The following DSCAML1 variants were observed in gnomAD, a reference collection of about 807,000 sequenced individuals.
DSCAML1 encodes the protein DS cell adhesion molecule like 1, also known as cell adhesion molecule DSCAML1.
Under a neutral mutation model 200.5 loss-of-function variants are expected in DSCAML1, and 38 were observed. The observed-to-expected ratio is 0.19, with a 90% CI of 0.15 to 0.25. The LOEUF is 0.25. Ranked by LOEUF, DSCAML1 falls within the 10% of genes least tolerant of loss-of-function variation. The pLI, the probability that DSCAML1 is intolerant of heterozygous loss-of-function variation, is 1.00. For synonymous variants in DSCAML1, 1,215 were observed against 1,165.0 expected, an observed-to-expected ratio of 1.04 and a Z score of -0.87; for missense variants, 2,223 against 2,858.8, an observed-to-expected ratio of 0.78 and a Z score of 5.07.
chr11:117,438,946 G>A lies in DSCAML1; in HGVS notation c.4182C>T (p.Thr1394=). The change falls in exon 24 of 33, where the codon ACC becomes ACT. Residue 1394 remains threonine, a synonymous_variant. Transcript: ENST00000651296. ...AGGTCAGGGTGATGGACGAAGCTGA[G>A]GTTTTGGAGACAGTGAGGCGGGGCT... ...PDQPRLTVSK[T]SASSITLTWI... The A allele has an allele frequency of 1.2e-6, 2 of 1,609,628 alleles. No homozygotes were observed. The highest frequency in any genetic ancestry group is 1.7e-6 in the Non-Finnish European group (2 of 1,178,420).
chr11:117,709,431 G>A (rs139145199), intron 3 of DSCAML1, among the ~76,000 whole-genome samples: 33 of 152,168 alleles, frequency 2.2e-4, no homozygotes, highest in African/African-American at 7.5e-4. Flanking sequence ...TAATCCTATC[G>A]GATTAGGGCC....
At chr11:117,476,434 A>C (rs1488362888) in intron 14 of DSCAML1, among the ~76,000 whole-genome samples, 1 of 152,192 alleles carries the variant, frequency 6.6e-6, no homozygotes, top group African/African-American at 2.4e-5. Flanking sequence ...CTCCTGCGTC[A>C]CAACGACAGC....
chr11:117,620,483 C>T (rs947944231), intron 3 of DSCAML1, among the ~76,000 whole-genome samples: 9 of 152,156 alleles, frequency 5.9e-5, no homozygotes, highest in East Asian at 1.9e-4. Flanking sequence ...TTAATAGGAA[C>T]GACACTGTGA....
chr11:117,443,754 G>T (rs1209470218), intron 21 of DSCAML1, 132 bp downstream of exon 21: 5 of 1,269,298 alleles, frequency 3.9e-6, no homozygotes, highest in Non-Finnish European at 5.4e-6. Flanking sequence ...GGAGGCAGGC[G>T]GGTGGCCAGT....
At chr11:117,649,803 T>C (rs1041009018) in intron 3 of DSCAML1, among the ~76,000 whole-genome samples, 21 of 152,366 alleles carry the variant, frequency 1.4e-4, no homozygotes, top group Middle Eastern at 6.8e-3. Flanking sequence ...TCCCTCTCCC[T>C]GAACAGGTCC....
intron 1 of DSCAML1, 34 bp downstream of exon 1, chr11:117,797,000 G>A (rs1329467727): frequency 5.9e-6 from 8 of 1,367,242 alleles, no homozygotes; most frequent in Admixed American, 2.7e-5. Flanking sequence ...TGGCCCCGCC[G>A]CCTCCGCCGC....
At chr11:117,583,256 T>C (rs1307014415) in intron 3 of DSCAML1, among the ~76,000 whole-genome samples, 3 of 152,000 alleles carry the variant, frequency 2.0e-5, no homozygotes, top group Non-Finnish European at 4.4e-5. Context: ...TGAAGACCCC[T>C]TGCCTCTGGT....
intron 3 of DSCAML1, among the ~76,000 whole-genome samples, chr11:117,759,626 C>T (rs1003014801): frequency 3.6e-4 from 55 of 152,152 alleles, no homozygotes; most frequent in African/African-American, 9.2e-4. Flanking sequence ...ATCCCTGCCC[C>T]GCAGGCCCAC....
intron 19 of DSCAML1, among the ~76,000 whole-genome samples, chr11:117,457,017 C>T (rs1423149752): frequency 6.6e-6 from 1 of 152,186 alleles, no homozygotes; most frequent in East Asian, 1.9e-4. Flanking sequence ...AGCCATAAAG[C>T]ACCTGCTATT....
At position 117,504,541 on chromosome 11, in the gene DSCAML1, C is replaced by T. The variant is rs183084060; in HGVS notation, c.2182+383G>A. Among the ~76,000 whole-genome samples, 1 of 152,256 alleles carries T rather than the reference C, an allele frequency of 6.6e-6. No individual in the cohort carries two copies. The highest frequency in any genetic ancestry group is 1.9e-4 in the East Asian group (1 of 5,162). ...AAGGCATCCCTGGGATGAAATTGGG[C>T]TCCAAGAAGGACCCTGACCCCAGAA... On this transcript the variant is annotated intron_variant, in intron 10 of 32. Coordinates refer to ENST00000651296, the MANE Select transcript of DSCAML1 (RefSeq NM_020693.4). This position sits in a 1 kb window ranked among gnomAD's most constrained non-coding sequence, Gnocchi z 5.0.
At chr11:117,508,771 G>A (rs956057883) in intron 8 of DSCAML1, among the ~76,000 whole-genome samples, 5 of 152,122 alleles carry the variant, frequency 3.3e-5, no homozygotes, top group Non-Finnish European at 2.9e-5. Flanking sequence ...CTGCAGAGCC[G>A]AGAGAAAGCT....
chr11:117,529,524 G>A (rs1243415296), intron 4 of DSCAML1, among the ~76,000 whole-genome samples: 1 of 152,134 alleles, frequency 6.6e-6, no homozygotes, highest in African/African-American at 2.4e-5. Flanking sequence ...AGGCGGAGAT[G>A]GAAAGTTTGG....
intron 3 of DSCAML1, among the ~76,000 whole-genome samples, chr11:117,608,774 C>T (rs1460500378): frequency 6.6e-6 from 1 of 152,194 alleles, no homozygotes; most frequent in Non-Finnish European, 1.5e-5. Context: ...ATTCTTCAGG[C>T]TCTTTGTTGA....
chr11:117,786,226 T>G (rs2055349963), intron 1 of DSCAML1, among the ~76,000 whole-genome samples: 1 of 152,088 alleles, frequency 6.6e-6, no homozygotes, highest in Non-Finnish European at 1.5e-5. Context: ...AAGGGGGAAA[T>G]GGATTTTTAA....
Position 117,437,755 on chromosome 11 carries a change from G to A in DSCAML1, c.4432+140C>T. The A allele has an allele frequency of 1.0e-6, 1 of 979,164 alleles. No individual in the cohort carries two copies. The highest frequency in any genetic ancestry group is 1.5e-6 in the Non-Finnish European group (1 of 684,240). 60.7% of individuals were successfully genotyped at this position (979,164 alleles called of 1,614,324 possible). A position where few individuals can be genotyped will look rare whatever the true frequency, so the allele number is the denominator to read the frequency against. On this transcript the variant is annotated intron_variant, in intron 25 of 32. Transcript: ENST00000651296. This position sits in a 1 kb window ranked among gnomAD's most constrained non-coding sequence, Gnocchi z 5.3. ...ACACTGTGGTGACGGGAAGGAGGCT[G>A]AGGCTCCTCCCTTCAGTCTCCCTGC...
At chr11:117,441,226 C>T (rs1412580264) in intron 21 of DSCAML1, among the ~76,000 whole-genome samples, 9 of 152,278 alleles carry the variant, frequency 5.9e-5, no homozygotes, top group East Asian at 1.9e-4. Flanking sequence ...GAACAGGGCA[C>T]ACTGAAGGAG....
upstream of DSCAML1, chr11:117,802,158 A>C (rs1032281323): frequency 3.3e-5 from 5 of 152,350 alleles, no homozygotes; most frequent in East Asian, 5.8e-4. Flanking sequence ...AAATTTTATG[A>C]AAGTGTCTTC....
chr11:117,678,288 G>C (rs1295555426), intron 3 of DSCAML1, among the ~76,000 whole-genome samples: 2 of 152,234 alleles, frequency 1.3e-5, no homozygotes, highest in African/African-American at 2.4e-5. Flanking sequence ...GCTACAGGGT[G>C]GGGTGGCGGG....
intron 3 of DSCAML1, among the ~76,000 whole-genome samples, chr11:117,679,214 C>A (rs1217840273): frequency 1.3e-5 from 2 of 152,152 alleles, no homozygotes; most frequent in Non-Finnish European, 2.9e-5. Flanking sequence ...CCCCTGGGCC[C>A]AGCAGGCTTG....
Sources: gnomAD v4.1 joint callset for allele counts (sites outside exome capture counted in the v4.1 genomes callset) on GRCh38, gnomAD v4.1.1 for gene constraint, Gnocchi (gnomAD v3.1) non-coding constraint, MANE v1.5 for transcripts, NCBI Gene and HGNC (gene_info 2026-07-23, HGNC 2026-07-21) for gene names.